Variants in LLPH observed in about 807,000 individuals in gnomAD.
LLPH encodes the protein LLP homolog, long-term synaptic facilitation factor, also known as protein LLP homolog.
Under a neutral mutation model 13.3 loss-of-function variants are expected in LLPH, and 5 were observed. The ratio of observed to expected loss-of-function variants is 0.38; its 90% CI spans 0.20 to 0.79. The LOEUF (loss-of-function observed/expected upper bound fraction) is 0.79. Ranked by LOEUF, LLPH falls within the 30% of genes least tolerant of loss-of-function variation. The pLI is 0.45. For missense variants in LLPH, 129 were observed against 152.1 expected (o/e 0.85, Z 0.80); for synonymous variants, 32 against 44.2 (o/e 0.72, Z 1.09).
rs188326525 is a variant in LLPH at position 66,120,558 on chromosome 12, T to C, written c.*3282A>G. The C allele has an allele frequency of 3.9e-4, 59 of 152,324 alleles. No individual in the cohort carries two copies. Among genetic ancestry groups the C allele is most frequent in the African/African-American group, 1.4e-3 (57 of 41,576 alleles). 9.4% of individuals were successfully genotyped at this position (152,324 alleles called of 1,614,324 possible). A position where few individuals can be genotyped will look rare whatever the true frequency, so the allele number is the denominator to read the frequency against. ...TGAAGCAGTTTTGATCATCTTTAAA[T>C]TATATTTTGATTTCAGACTTAATTT... On this transcript the variant is annotated 3_prime_UTR_variant, in exon 3 of 3. Transcript: ENST00000266604.
chr12:66,118,598 A>T lies in LLPH; in HGVS notation c.*5242T>A, dbSNP rs894040303. On this transcript the variant is annotated 3_prime_UTR_variant, in exon 3 of 3. Coordinates refer to ENST00000266604, the MANE Select transcript of LLPH (RefSeq NM_032338.4). ...AATTGCCTACAGTACTCAGTACAGT[A>T]ACTTGCTTGACCAATTTGTAGCCTA... is the stretch of plus-strand genomic sequence containing the variant. The T allele has an allele frequency of 1.3e-5, 2 of 152,290 alleles. No individual in the cohort carries two copies. Among genetic ancestry groups the T allele is most frequent in the African/African-American group, 4.8e-5 (2 of 41,558 alleles). 9.4% of individuals were successfully genotyped at this position (152,290 alleles called of 1,614,324 possible).
Position 66,118,768 on chromosome 12 carries a change from C to T in LLPH, c.*5072G>A, listed in dbSNP as rs1393471765. 6.6e-6 allele frequency: 1 copy of T among 152,156 alleles called. No homozygotes were observed. The allele number at this position is 152,156 out of a possible 1,614,324, so 9.4% of individuals were successfully genotyped here. A position where few individuals can be genotyped will look rare whatever the true frequency, so the allele number is the denominator to read the frequency against. The stretch of plus-strand genomic sequence containing the variant: ...AGAACACATCCCAGTCATTTAGTGA[C>T]ATATGACTATATATGGGAGGATGGG... On this transcript the variant is annotated 3_prime_UTR_variant, in exon 3 of 3. Transcript: ENST00000266604.
chr12:66,126,944 AAAAC>A (rs950723987), intron 2 of LLPH, among the ~76,000 whole-genome samples: 2 of 152,126 alleles, frequency 1.3e-5, no homozygotes, highest in African/African-American at 2.4e-5. Flanking sequence ...AAAAAAACAA[AAAAC>A]AAACAAACAA....
rs923322210 is a variant in LLPH at position 66,120,186 on chromosome 12, A to T, written c.*3654T>A. The T allele has an allele frequency of 6.6e-6, 1 of 152,232 alleles. No individual in the cohort carries two copies. Among genetic ancestry groups the T allele is most frequent in the African/African-American group, 2.4e-5 (1 of 41,454 alleles). 9.4% of individuals were successfully genotyped at this position (152,232 alleles called of 1,614,324 possible). A position where few individuals can be genotyped will look rare whatever the true frequency, so the allele number is the denominator to read the frequency against. The stretch of plus-strand genomic sequence containing the variant: ...AGTCTGCCTTAGGCCTAGAGATTTG[A>T]GGAGGGTTCTGTACATCATTATTCT... On this transcript the variant is annotated 3_prime_UTR_variant, in exon 3 of 3. Transcript: ENST00000266604.
intron 2 of LLPH, among the ~76,000 whole-genome samples, chr12:66,127,561 TGAGGA>T (rs577206122): frequency 1.3e-3 from 201 of 152,192 alleles, no homozygotes; most frequent in African/African-American, 4.4e-3. Context: ...CCTTTTAGGG[TGAGGA>T]AAGTGTTTTG....
intron 2 of LLPH, among the ~76,000 whole-genome samples, chr12:66,126,617 C>T (rs1321538062): frequency 1.3e-5 from 2 of 151,944 alleles, no homozygotes; most frequent in Non-Finnish European, 2.9e-5. Flanking sequence ...AAAGATAATA[C>T]AAATGGTCAA....
intron 2 of LLPH, among the ~76,000 whole-genome samples, chr12:66,128,326 G>T (rs1452939985): frequency 6.6e-6 from 1 of 152,130 alleles, no homozygotes; most frequent in Non-Finnish European, 1.5e-5. Flanking sequence ...CATTAAATGT[G>T]CAAAAAGCAG....
At position 66,123,260 on chromosome 12, in the gene LLPH, A is replaced by G. The variant is rs1018607746; in HGVS notation, c.*580T>C. On this transcript the variant is annotated 3_prime_UTR_variant, in exon 3 of 3. Coordinates refer to ENST00000266604, the MANE Select transcript of LLPH (RefSeq NM_032338.4). Reference sequence around the variant, plus strand: ...ATTATCCTGCCTCAGCCTCCCGAGTAGCTGGAACTACAGGTGCGCGCCCCC... The same window carrying G: ...ATTATCCTGCCTCAGCCTCCCGAGTGGCTGGAACTACAGGTGCGCGCCCCC... The G allele has an allele frequency of 6.6e-6, 1 of 152,134 alleles. No individual in the cohort carries two copies. The highest frequency in any genetic ancestry group is 2.4e-5 in the African/African-American group (1 of 41,328). The allele number at this position is 152,134 out of a possible 1,614,324, so 9.4% of individuals were successfully genotyped here. A position where few individuals can be genotyped will look rare whatever the true frequency, so the allele number is the denominator to read the frequency against.
rs1399165768 is a variant in LLPH at position 66,120,251 on chromosome 12, ACCCAAT to A, written c.*3583_*3588del. 1.3e-5 allele frequency: 2 copies of A among 152,164 alleles called. No homozygotes were observed. The highest frequency in any genetic ancestry group is 2.9e-5 in the Non-Finnish European group (2 of 68,030). 9.4% of individuals were successfully genotyped at this position (152,164 alleles called of 1,614,324 possible). A position where few individuals can be genotyped will look rare whatever the true frequency, so the allele number is the denominator to read the frequency against. ...TTTATCTGATCCTGAGCCCACATGAACCCAATCTATCACAGGTTGACCCAAAAATAG... is the reference window on the plus strand; with the variant it reads ...TTTATCTGATCCTGAGCCCACATGAACTATCACAGGTTGACCCAAAAATAG... On this transcript the variant is annotated 3_prime_UTR_variant, in exon 3 of 3. Coordinates refer to ENST00000266604, the MANE Select transcript of LLPH (RefSeq NM_032338.4).
intron 2 of LLPH, among the ~76,000 whole-genome samples, chr12:66,127,565 G>GAA (rs1462024105): frequency 6.6e-6 from 1 of 151,770 alleles, no homozygotes; most frequent in Non-Finnish European, 1.5e-5. Context: ...TTAGGGTGAG[G>GAA]AAAGTGTTTT....
At chr12:66,127,282 G>A (rs896250121) in intron 2 of LLPH, among the ~76,000 whole-genome samples, 10 of 152,186 alleles carry the variant, frequency 6.6e-5, no homozygotes, top group Admixed American at 2.0e-4. Context: ...CCCAGCAACC[G>A]TTGAATGGAT....
intron 1 of LLPH, 55 bp from the exon 2 acceptor site, chr12:66,129,168 A>C (rs2051517413): frequency 8.2e-7 from 1 of 1,224,822 alleles, no homozygotes; most frequent in African/African-American, 1.5e-5. Context: ...AAAAAAGAAA[A>C]CAGGCAAATC....
At chr12:66,128,586 C>T (rs2051512039) in intron 2 of LLPH, among the ~76,000 whole-genome samples, 1 of 152,134 alleles carries the variant, frequency 6.6e-6, no homozygotes, top group Non-Finnish European at 1.5e-5. Flanking sequence ...ATTCCTGAGA[C>T]ATGGAGGCTA....
intron 2 of LLPH, among the ~76,000 whole-genome samples, chr12:66,126,481 G>A (rs1182930143): frequency 2.6e-5 from 4 of 151,928 alleles, no homozygotes; most frequent in Non-Finnish European, 4.4e-5. Flanking sequence ...CAATCCAAAA[G>A]AATCAAGAGT....
chr12:66,123,750 C>G lies in LLPH; in HGVS notation c.*90G>C. ...TTAAAATAGGAAAACAAATGGTTTT[C>G]ATTTGGTGGCAGTTGAAATCAAAGT... On this transcript the variant is annotated 3_prime_UTR_variant, in exon 3 of 3. Transcript: ENST00000266604. 7.4e-7 allele frequency: 1 copy of G among 1,359,804 alleles called. No individual in the cohort carries two copies. The highest frequency in any genetic ancestry group is 9.9e-7 in the Non-Finnish European group (1 of 1,006,472). The allele number at this position is 1,359,804 out of a possible 1,614,324, so 84.2% of individuals were successfully genotyped here.
Position 66,123,623 on chromosome 12 carries a change from G to A in LLPH, c.*217C>T, listed in dbSNP as rs1001179172. 3.8e-5 allele frequency: 21 copies of A among 549,766 alleles called. No individual in the cohort carries two copies. The highest frequency in any genetic ancestry group is 3.4e-4 in the African/African-American group (18 of 52,744). 34.1% of individuals were successfully genotyped at this position (549,766 alleles called of 1,614,324 possible). A position where few individuals can be genotyped will look rare whatever the true frequency, so the allele number is the denominator to read the frequency against. On this transcript the variant is annotated 3_prime_UTR_variant, in exon 3 of 3. Coordinates refer to ENST00000266604, the MANE Select transcript of LLPH (RefSeq NM_032338.4). ...GGATATTGGGTAGCATCCAGTTAAAGTATCAGTAGAGCTTGGATGTATCAA... is the reference window on the plus strand; with the variant it reads ...GGATATTGGGTAGCATCCAGTTAAAATATCAGTAGAGCTTGGATGTATCAA...
intron 2 of LLPH, among the ~76,000 whole-genome samples, chr12:66,125,959 T>C (rs2051493562): frequency 6.6e-6 from 1 of 152,146 alleles, no homozygotes; most frequent in Admixed American, 6.5e-5. Context: ...GGAGAAGATA[T>C]ATGCCCATTA....
chr12:66,120,258 C>G lies in LLPH; in HGVS notation c.*3582G>C, dbSNP rs2051454797. 1.3e-5 allele frequency: 2 copies of G among 152,210 alleles called. No homozygotes were observed. Among genetic ancestry groups the G allele is most frequent in the African/African-American group, 4.8e-5 (2 of 41,454 alleles). 9.4% of individuals were successfully genotyped at this position (152,210 alleles called of 1,614,324 possible). On this transcript the variant is annotated 3_prime_UTR_variant, in exon 3 of 3. Coordinates refer to ENST00000266604, the MANE Select transcript of LLPH (RefSeq NM_032338.4). ...GATCCTGAGCCCACATGAACCCAAT[C>G]TATCACAGGTTGACCCAAAAATAGG...
Position 66,120,052 on chromosome 12 carries a change from T to G in LLPH, c.*3788A>C, listed in dbSNP as rs1442379721. 1 of 152,196 alleles carries G rather than the reference T, an allele frequency of 6.6e-6. No individual in the cohort carries two copies. Among genetic ancestry groups the G allele is most frequent in the East Asian group, 1.9e-4 (1 of 5,198 alleles). 9.4% of individuals were successfully genotyped at this position (152,196 alleles called of 1,614,324 possible). A position where few individuals can be genotyped will look rare whatever the true frequency, so the allele number is the denominator to read the frequency against. On this transcript the variant is annotated 3_prime_UTR_variant, in exon 3 of 3. Coordinates refer to ENST00000266604, the MANE Select transcript of LLPH (RefSeq NM_032338.4). ...TCTACCTTAGAGCTTCAACTGCAGT[T>G]TGCATTTCTTCTCTGATTAGTACCT...
Sources: gnomAD v4.1 joint callset for allele counts (sites outside exome capture counted in the v4.1 genomes callset) on GRCh38, gnomAD v4.1.1 for gene constraint, MANE v1.5 for transcripts, NCBI Gene and HGNC (gene_info 2026-07-23, HGNC 2026-07-21) for gene names.